The following LRRC4C variants were observed in gnomAD, a reference collection of about 807,000 sequenced individuals.
The protein encoded by LRRC4C is leucine-rich repeat-containing protein 4C.
LRRC4C carries 5 observed loss-of-function variants against 33.6 expected under a neutral mutation model. That is an observed-to-expected ratio of 0.15 (90% CI 0.08 to 0.31). LRRC4C has a LOEUF of 0.31. Ranked by LOEUF, LRRC4C falls within the 10% of genes least tolerant of loss-of-function variation. The pLI, the probability that LRRC4C is intolerant of heterozygous loss-of-function variation, is 1.00. For synonymous variants in LRRC4C, 329 were observed against 302.0 expected (o/e 1.09, Z -0.93); for missense variants, 560 against 796.7 (o/e 0.70, Z 3.58).
chr11:40,423,511 A>AT (rs1276053195), intron 3 of LRRC4C, among the ~76,000 whole-genome samples: 2 of 150,784 alleles, frequency 1.3e-5, no homozygotes, highest in African/African-American at 4.9e-5. Flanking sequence ...CGCCCGGCTA[A>AT]TTTTTTGTAT....
rs1198129450 is a variant in LRRC4C, at chr11:41,307,944, G to C, written c.-496+151487C>G. 3.9e-5 allele frequency among the ~76,000 whole-genome samples: 6 copies of C among 152,270 alleles called. No homozygotes were observed. The East Asian group carries it at 9.7e-4, about 25-fold the overall frequency. On this transcript the variant is annotated intron_variant, in intron 1 of 6. Coordinates refer to ENST00000528697, the MANE Select transcript of LRRC4C (RefSeq NM_001258419.2). The stretch of plus-strand genomic sequence containing the variant: ...AGACCTAAGAGAGACAGAGAGCTTT[G>C]TGTCTCCATCGCCCACATTCAGACT...
chr11:40,802,987 T>G (rs4426128), intron 2 of LRRC4C, among the ~76,000 whole-genome samples: 133,640 of 152,124 alleles, frequency 0.88, 58,754 homozygotes, highest in East Asian at 1. Flanking sequence ...AAAGGATTCA[T>G]GATTATCATG....
chr11:40,283,950 G>A (rs982147422), intron 4 of LRRC4C, among the ~76,000 whole-genome samples: 1 of 151,854 alleles, frequency 6.6e-6, no homozygotes, highest in Non-Finnish European at 1.5e-5. Flanking sequence ...TGATCCACCC[G>A]TCTTAGCCTC....
chr11:40,970,094 C>G (rs1449956900), intron 1 of LRRC4C, among the ~76,000 whole-genome samples: 1 of 152,290 alleles, frequency 6.6e-6, no homozygotes, highest in East Asian at 1.9e-4. Context: ...ATTTCCCCAG[C>G]TGACCCCTGC....
intron 1 of LRRC4C, among the ~76,000 whole-genome samples, chr11:41,083,228 C>A (rs1939709718): frequency 6.6e-6 from 1 of 151,916 alleles, no homozygotes. Context: ...TTATCTGATT[C>A]TATTATTAAA....
intron 1 of LRRC4C, among the ~76,000 whole-genome samples, chr11:41,325,566 G>GTTTTTTTT (rs71466927): frequency 4.7e-5 from 5 of 106,542 alleles, no homozygotes; most frequent in African/African-American, 2.0e-4. Context: ...TGTCCTTATA[G>GTTTTTTTT]TTTTTTTTTT....
In LRRC4C at chr11:40,437,450, G is replaced by C. The variant is rs564775162; in HGVS notation, c.-269-117729C>G. On this transcript the variant is annotated intron_variant, in intron 3 of 6. Transcript: ENST00000528697. ...GCTCTGTCACCCAGGCTGGAGTGCAGTGGCACAATCCCGGCTCACTGTAGC... is the reference window on the plus strand; with the variant it reads ...GCTCTGTCACCCAGGCTGGAGTGCACTGGCACAATCCCGGCTCACTGTAGC... 7.3e-5 allele frequency among the ~76,000 whole-genome samples: 11 copies of C among 151,374 alleles called. No individual in the cohort carries two copies. In the East Asian group the frequency reaches 2.1e-3, roughly 29 times the overall value.
chr11:40,607,184 A>T (rs1429977305), intron 3 of LRRC4C, among the ~76,000 whole-genome samples: 1 of 152,172 alleles, frequency 6.6e-6, no homozygotes, highest in East Asian at 1.9e-4. Flanking sequence ...TCACCACTAG[A>T]CCTGCTTTAC....
intron 2 of LRRC4C, among the ~76,000 whole-genome samples, chr11:40,780,730 A>C (rs1031776658): frequency 1.3e-5 from 2 of 152,130 alleles, no homozygotes; most frequent in Non-Finnish European, 2.9e-5. Flanking sequence ...AATGTATAAT[A>C]GAGTAAAATA....
Position 40,851,852 on chromosome 11 carries a change from C to CT in LRRC4C, c.-407+81782dup, listed in dbSNP as rs553286233. On this transcript the variant is annotated intron_variant, in intron 2 of 6. Transcript: ENST00000528697. ...TCAGCCAGCATCTGTCTTTAGGACC[C>CT]TGGCGATCCCACGTTGACAGCCACA... Among the ~76,000 whole-genome samples, 28 of 152,312 alleles carry CT rather than the reference C, an allele frequency of 1.8e-4. No homozygotes were observed. The South Asian group carries it at 5.2e-3, about 28-fold the overall frequency.
At chr11:40,435,816 A>G (rs1446098631) in intron 3 of LRRC4C, among the ~76,000 whole-genome samples, 2 of 152,184 alleles carry the variant, frequency 1.3e-5, no homozygotes, top group Admixed American at 6.5e-5. Context: ...CTGGGATCCT[A>G]TAGGGGAATG....
chr11:40,453,706 T>C (rs1952005083), intron 3 of LRRC4C, among the ~76,000 whole-genome samples: 1 of 151,018 alleles, frequency 6.6e-6, no homozygotes, highest in African/African-American at 2.4e-5. Context: ...TCCAGGAATA[T>C]ATAAAAAGAT....
At chr11:41,112,696 T>G (rs898955102) in intron 1 of LRRC4C, among the ~76,000 whole-genome samples, 1 of 152,086 alleles carries the variant, frequency 6.6e-6, no homozygotes, top group Non-Finnish European at 1.5e-5. Flanking sequence ...CACATGTACA[T>G]GTTGGAAAAG....
chr11:41,256,117 T>G (rs776569852), intron 1 of LRRC4C, among the ~76,000 whole-genome samples: 18 of 152,064 alleles, frequency 1.2e-4, no homozygotes, highest in Non-Finnish European at 2.6e-4. Flanking sequence ...CAGATTGATA[T>G]TTTAAAGGCT....
chr11:40,315,023 T>C (rs72893144), intron 4 of LRRC4C, among the ~76,000 whole-genome samples: 12,720 of 151,986 alleles, frequency 0.084, 743 homozygotes, highest in Non-Finnish European at 0.12. Context: ...AAATATACTA[T>C]ACAGTTTCAT....
At chr11:41,086,182 G>A (rs1251171303) in intron 1 of LRRC4C, among the ~76,000 whole-genome samples, 2 of 151,964 alleles carry the variant, frequency 1.3e-5, no homozygotes, top group Admixed American at 6.6e-5. Flanking sequence ...AACACTTTAT[G>A]CCTTATTTTC....
chr11:41,360,130 C>G (rs1952300719), intron 1 of LRRC4C, among the ~76,000 whole-genome samples: 1 of 152,134 alleles, frequency 6.6e-6, no homozygotes, highest in South Asian at 2.1e-4. Flanking sequence ...TGGCAGTGAG[C>G]GGAGATCGCG....
chr11:40,363,889 G>A (rs900724553), intron 3 of LRRC4C, among the ~76,000 whole-genome samples: 4 of 152,046 alleles, frequency 2.6e-5, no homozygotes, highest in Admixed American at 6.6e-5. Flanking sequence ...TTCTCTAATC[G>A]CATGCGCCTA....
rs531156387 is a variant in LRRC4C at position 41,223,640 on chromosome 11, C to G, written c.-496+235791G>C. ...TCCCAAAGAAGGAGCTTTCTGCCTG[C>G]AGATTGCCTGGAAAAATAGCTACAA... is the stretch of plus-strand genomic sequence containing the variant. On this transcript the variant is annotated intron_variant, in intron 1 of 6. Transcript: ENST00000528697. Among the ~76,000 whole-genome samples the G allele has an allele frequency of 1.9e-4, 29 of 152,282 alleles. No homozygotes were observed. In the South Asian group the frequency reaches 5.4e-3, roughly 28 times the overall value.
Sources: allele counts gnomAD v4.1 joint callset (sites outside exome capture counted in the v4.1 genomes callset), GRCh38; gene constraint gnomAD v4.1.1; transcripts MANE v1.5; gene names NCBI Gene and HGNC (gene_info 2026-07-23, HGNC 2026-07-21).